Variants in RSBN1L observed in about 807,000 individuals in gnomAD.
RSBN1L encodes the protein lysine-specific demethylase RSBN1L.
In RSBN1L, 30 loss-of-function variants were observed where a neutral mutation model predicts 67.7. That is an observed-to-expected ratio of 0.44 (90% CI 0.33 to 0.60). The LOEUF (loss-of-function observed/expected upper bound fraction) is 0.60. RSBN1L is among the 20% of genes least tolerant of loss of function. The pLI is 0.02. For synonymous variants in RSBN1L, 433 were observed against 387.0 expected (o/e 1.12, Z -1.39); for missense variants, 992 against 1,031.7 (o/e 0.96, Z 0.53).
chr7:77,724,787 G>C (rs915191489), intron 1 of RSBN1L, among the ~76,000 whole-genome samples: 3 of 151,456 alleles, frequency 2.0e-5, no homozygotes, highest in Middle Eastern at 3.4e-3. Context: ...ATAAAAACCA[G>C]AAGTTCCTTG....
chr7:77,721,780 T>TAGA (rs1374784489), intron 1 of RSBN1L, among the ~76,000 whole-genome samples: 1 of 152,168 alleles, frequency 6.6e-6, no homozygotes, highest in Non-Finnish European at 1.5e-5. Flanking sequence ...TTATGGGAGT[T>TAGA]TTCTGTTTTT....
chr7:77,781,935 A>C lies in RSBN1L; in HGVS notation c.*2767A>C, dbSNP rs1792004649. 1 of 146,434 alleles carries C rather than the reference A, an allele frequency of 6.8e-6. No individual in the cohort carries two copies. Among genetic ancestry groups the C allele is most frequent in the South Asian group, 2.2e-4 (1 of 4,594 alleles). The allele number at this position is 146,434 out of a possible 1,614,324, so 9.1% of individuals were successfully genotyped here. On this transcript the variant is annotated 3_prime_UTR_variant, in exon 8 of 8. Transcript: ENST00000334955. ...GGGAGGAGAAGGTTGCAGTGAGCCG[A>C]GATCGCCCCACTGCCCTCCAGCCTG...
intron 2 of RSBN1L, among the ~76,000 whole-genome samples, chr7:77,746,913 C>G (rs7804480): frequency 0.18 from 26,776 of 152,226 alleles, 2,821 homozygotes; most frequent in African/African-American, 0.29. Flanking sequence ...CACTCTCATG[C>G]AAGAGGTGGG....
rs183360940 is a variant in RSBN1L, at chr7:77,729,168, A to T, written c.587-7242A>T. Among the ~76,000 whole-genome samples, 1,251 of 151,644 alleles carry T rather than the reference A, an allele frequency of 8.2e-3. 9 individuals carry two copies. Among genetic ancestry groups the T allele is most frequent in the Non-Finnish European group, 0.013 (879 of 67,912 alleles). On this transcript the variant is annotated intron_variant, in intron 1 of 7. Coordinates refer to ENST00000334955, the MANE Select transcript of RSBN1L (RefSeq NM_198467.3). ...TTGCAGCTTCCATTGTGGTGTTTTT[A>T]TGTGTGGAATTCTTTTTATTTATTC... is the stretch of plus-strand genomic sequence containing the variant.
intron 6 of RSBN1L, among the ~76,000 whole-genome samples, chr7:77,774,078 T>C (rs1238302448): frequency 6.6e-6 from 1 of 152,242 alleles, no homozygotes; most frequent in African/African-American, 2.4e-5. Context: ...TTTCTCTTCC[T>C]CCTGCTTTGC....
intron 1 of RSBN1L, among the ~76,000 whole-genome samples, chr7:77,735,073 C>T: frequency 6.7e-6 from 1 of 148,234 alleles, no homozygotes; most frequent in South Asian, 2.1e-4. Context: ...AAACAAAAAA[C>T]ACTTTGTCAG....
At chr7:77,762,147 G>A (rs1434823246) in intron 3 of RSBN1L, among the ~76,000 whole-genome samples, 2 of 152,084 alleles carry the variant, frequency 1.3e-5, no homozygotes, top group South Asian at 2.1e-4. Context: ...ATATCTATAT[G>A]TTTTATATGT....
intron 1 of RSBN1L, among the ~76,000 whole-genome samples, chr7:77,722,074 G>A (rs1288821599): frequency 6.6e-6 from 1 of 152,190 alleles, no homozygotes; most frequent in Non-Finnish European, 1.5e-5. Context: ...AGTATTATTA[G>A]TGTTACTGAA....
At chr7:77,765,279 C>T (rs1791746389) in intron 3 of RSBN1L, among the ~76,000 whole-genome samples, 1 of 152,088 alleles carries the variant, frequency 6.6e-6, no homozygotes, top group East Asian at 1.9e-4. Context: ...AGTAAAATAG[C>T]TTGATTTAGT....
At chr7:77,746,790 T>C (rs1791490025) in intron 2 of RSBN1L, among the ~76,000 whole-genome samples, 1 of 151,512 alleles carries the variant, frequency 6.6e-6, no homozygotes, top group South Asian at 2.1e-4. Context: ...AAGGGAGAAA[T>C]TGGCCAAAAA....
At chr7:77,722,451 C>T (rs1440503659) in intron 1 of RSBN1L, among the ~76,000 whole-genome samples, 3 of 152,074 alleles carry the variant, frequency 2.0e-5, no homozygotes, top group East Asian at 3.9e-4. Context: ...GGAATTGATA[C>T]TGTTATGTTG....
chr7:77,764,623 C>A (rs576233801), intron 3 of RSBN1L, among the ~76,000 whole-genome samples: 11 of 151,592 alleles, frequency 7.3e-5, no homozygotes, highest in African/African-American at 1.9e-4. Context: ...TTCTTAATTT[C>A]TTTCTTTCTT....
intron 2 of RSBN1L, among the ~76,000 whole-genome samples, chr7:77,738,929 A>C (rs916461759): frequency 1.3e-5 from 2 of 152,044 alleles, no homozygotes; most frequent in Admixed American, 1.3e-4. Flanking sequence ...ACAGAGAGAG[A>C]CTCCATCTCA....
intron 1 of RSBN1L, among the ~76,000 whole-genome samples, chr7:77,731,894 T>C (rs1791276824): frequency 6.6e-6 from 1 of 152,140 alleles, no homozygotes; most frequent in South Asian, 2.1e-4. Flanking sequence ...TACCGTTTGT[T>C]GGAAAGACTT....
intron 1 of RSBN1L, among the ~76,000 whole-genome samples, chr7:77,711,474 G>C (rs776403761): frequency 6.6e-6 from 1 of 151,952 alleles, no homozygotes; most frequent in Non-Finnish European, 1.5e-5. Flanking sequence ...TGAGTAGCTA[G>C]GACTACAGGT....
At chr7:77,759,339 C>A (rs1331223611) in intron 3 of RSBN1L, among the ~76,000 whole-genome samples, 2 of 152,118 alleles carry the variant, frequency 1.3e-5, no homozygotes, top group Admixed American at 1.3e-4. Flanking sequence ...AGCTTTCCCC[C>A]TTTATTTTAC....
chr7:77,702,807 C>T (rs1790836021), intron 1 of RSBN1L, among the ~76,000 whole-genome samples: 1 of 152,066 alleles, frequency 6.6e-6, no homozygotes, highest in Admixed American at 6.6e-5. Context: ...TAGGTGACTG[C>T]CTTCTTCCTG....
rs1157423724 is a variant in RSBN1L, at chr7:77,778,910, A to C, written c.2283A>C (p.Arg761Ser). The change falls in exon 8 of 8, where the codon AGA (arginine) becomes AGC (serine). Residue 761 changes from arginine to serine, a missense_variant. By Grantham distance (110) the Arg-to-Ser change is moderately radical (BLOSUM62 -1). This residue lies in a region of RSBN1L where 199 missense variants were observed against 167.7 expected (regional missense o/e 1.19). Transcript: ENST00000334955. ...QIKHEPIASV[R>S]IKEEPVNVNI... ...AACATGAACCTATTGCATCTGTAAGAATCAAGGAAGAACCTGTGAATGTTA... is the reference window on the plus strand; with the variant it reads ...AACATGAACCTATTGCATCTGTAAGCATCAAGGAAGAACCTGTGAATGTTA... 2 of 1,614,030 alleles carry C rather than the reference A, an allele frequency of 1.2e-6. No individual in the cohort carries two copies. Among genetic ancestry groups the C allele is most frequent in the East Asian group, 2.2e-5 (1 of 44,868 alleles).
chr7:77,711,041 CT>C (rs1790967298), intron 1 of RSBN1L, among the ~76,000 whole-genome samples: 1 of 152,088 alleles, frequency 6.6e-6, no homozygotes, highest in Non-Finnish European at 1.5e-5. Context: ...TATTTCAGCC[CT>C]TTTTGCCTGC....
Sources: allele counts gnomAD v4.1 joint callset (sites outside exome capture counted in the v4.1 genomes callset), GRCh38; gene constraint gnomAD v4.1.1; regional missense constraint gnomAD v4.1.1; transcripts MANE v1.5; gene names NCBI Gene and HGNC (gene_info 2026-07-23, HGNC 2026-07-21).